ANKRD27: variants seen among roughly 807,000 people sequenced by gnomAD.
The protein encoded by ANKRD27 is ankyrin repeat domain-containing protein 27.
ANKRD27 carries 112 observed loss-of-function variants against 129.7 expected under a neutral mutation model. That is an observed-to-expected ratio of 0.86 (90% CI 0.74 to 1.01). The LOEUF is 1.01. Ranked by LOEUF, ANKRD27 falls within the 50% of genes least tolerant of loss-of-function variation. The probability of loss-of-function intolerance (pLI) is 0.00; values close to 1 mark genes in which losing one functional copy is unlikely to be tolerated. For synonymous variants in ANKRD27, 516 were observed against 511.2 expected (o/e 1.01, Z -0.13); for missense variants, 1,258 against 1,300.5 (o/e 0.97, Z 0.50).
At chr19:32,610,684 C>T (rs1035838185) in intron 22 of ANKRD27, among the ~76,000 whole-genome samples, 14 of 151,074 alleles carry the variant, frequency 9.3e-5, no homozygotes, top group African/African-American at 3.2e-4. Flanking sequence ...CCCAGCTACT[C>T]GGGAGGCTGA....
intron 22 of ANKRD27, among the ~76,000 whole-genome samples, chr19:32,610,484 A>T (rs1371027796): frequency 1.1e-3 from 8 of 7,492 alleles, no homozygotes; most frequent in Non-Finnish European, 2.0e-3. Context: ...GACCGTCTCT[A>T]AAAAAAAAAA....
At chr19:32,657,385 C>A (rs1967559046) in intron 2 of ANKRD27, among the ~76,000 whole-genome samples, 3 of 151,946 alleles carry the variant, frequency 2.0e-5, no homozygotes, top group Admixed American at 2.0e-4. Flanking sequence ...TCGCTTGAAC[C>A]CCGGAGGTGG....
rs540224434 is a variant in ANKRD27 at position 32,671,181 on chromosome 19, G to T, written c.-31+3890C>A. ...GGTATGGTGGCACACACCCAGCCAG[G>T]GGAGGCTGAGGCCAGAGGATCACTT... On this transcript the variant is annotated intron_variant, in intron 1 of 28. Transcript: ENST00000306065. Among the ~76,000 whole-genome samples, 11 of 152,066 alleles carry T rather than the reference G, an allele frequency of 7.2e-5. No individual in the cohort carries two copies. The South Asian group carries it at 2.1e-3, about 29-fold the overall frequency.
chr19:32,657,122 G>T (rs1967552289), intron 2 of ANKRD27, among the ~76,000 whole-genome samples: 1 of 152,048 alleles, frequency 6.6e-6, no homozygotes, highest in Non-Finnish European at 1.5e-5. Flanking sequence ...GAGGCCAGGA[G>T]TTCAAGACCA....
chr19:32,656,088 AAAGAAAGAAAGAAAG>A, intron 2 of ANKRD27, among the ~76,000 whole-genome samples: 1 of 119,714 alleles, frequency 8.4e-6, no homozygotes, highest in African/African-American at 4.2e-5. Flanking sequence ...AGAAAGAAAG[AAAGAAAGAAAGAAAG>A]AAAGAAAAGA....
intron 12 of ANKRD27, among the ~76,000 whole-genome samples, chr19:32,632,014 C>T (rs912375137): frequency 8.5e-5 from 13 of 152,232 alleles, no homozygotes; most frequent in African/African-American, 2.2e-4. Context: ...CATGGCCAGG[C>T]GCAGTGGCTC....
At chr19:32,601,191 C>G (rs1971647519) in intron 26 of ANKRD27, among the ~76,000 whole-genome samples, 1 of 151,946 alleles carries the variant, frequency 6.6e-6, no homozygotes, top group African/African-American at 2.4e-5. Context: ...CCTAGCTACT[C>G]GGGAGGCTGA....
intron 12 of ANKRD27, among the ~76,000 whole-genome samples, chr19:32,635,598 C>A (rs1218028127): frequency 2.0e-5 from 3 of 152,090 alleles, no homozygotes; most frequent in Non-Finnish European, 4.4e-5. Flanking sequence ...AGCCACTGCA[C>A]CCAGCCCACA....
chr19:32,607,974 A>G, intron 22 of ANKRD27, 142 bp from the exon 23 acceptor site: 1 of 865,698 alleles, frequency 1.2e-6, no homozygotes, highest in East Asian at 2.7e-5. Flanking sequence ...CAATTTGTTT[A>G]GAAGTATGTG....
chr19:32,661,835 TG>T (rs1217704304), intron 1 of ANKRD27, among the ~76,000 whole-genome samples: 1 of 152,142 alleles, frequency 6.6e-6, no homozygotes, highest in Admixed American at 6.5e-5. Flanking sequence ...TGAATTTGGT[TG>T]AAAAAAACAC....
chr19:32,670,521 A>G (rs2145330739), intron 1 of ANKRD27, among the ~76,000 whole-genome samples: 1 of 151,640 alleles, frequency 6.6e-6, no homozygotes, highest in East Asian at 1.9e-4. Context: ...TAAAAATACA[A>G]AAATTAGCCG....
In ANKRD27 at chr19:32,615,791, A is replaced by C. The variant is rs752142656; in HGVS notation, c.2053-11T>G. Reference sequence around the variant, plus strand: ...CAACAGGTAACGCACCTGGTGATGGAGAGTAACGGAAACAGGAACACATCC... The same window carrying C: ...CAACAGGTAACGCACCTGGTGATGGCGAGTAACGGAAACAGGAACACATCC... On this transcript the variant is annotated splice_polypyrimidine_tract_variant and intron_variant, in intron 21 of 28. Transcript: ENST00000306065. 13 of 1,609,536 alleles carry C rather than the reference A, an allele frequency of 8.1e-6. No individual in the cohort carries two copies. In the Admixed American group the frequency reaches 2.2e-4, roughly 27 times the overall value.
chr19:32,637,758 G>A (rs1967119754), intron 12 of ANKRD27: 1 of 152,372 alleles, frequency 6.6e-6, no homozygotes, highest in Admixed American at 6.5e-5. Flanking sequence ...TGCCGCCGCA[G>A]GCTCGTAAGT....
chr19:32,653,304 T>G (rs1050071993), intron 2 of ANKRD27, among the ~76,000 whole-genome samples: 1 of 152,192 alleles, frequency 6.6e-6, no homozygotes, highest in Non-Finnish European at 1.5e-5. Flanking sequence ...GCTCCCAGAC[T>G]AGGCCCCCGG....
chr19:32,597,220 TAG>T lies in ANKRD27; in HGVS notation c.*923_*924del, dbSNP rs34329197. Reference sequence around the variant, plus strand: ...GGACAAACCCATATACGTGTAGCTCTAGGCCAATAACATAAAAATAACAGTAT... The same window carrying T: ...GGACAAACCCATATACGTGTAGCTCTGCCAATAACATAAAAATAACAGTAT... On this transcript the variant is annotated 3_prime_UTR_variant, in exon 29 of 29. Transcript: ENST00000306065. 38,617 of 152,434 alleles carry T rather than the reference TAG, an allele frequency of 0.25. 5,564 individuals are homozygous for T. Among genetic ancestry groups the T allele is most frequent in the East Asian group, 0.45 (2,331 of 5,150 alleles). 9.4% of individuals were successfully genotyped at this position (152,434 alleles called of 1,614,324 possible). A position where few individuals can be genotyped will look rare whatever the true frequency, so the allele number is the denominator to read the frequency against.
chr19:32,613,486 C>T (rs921090634), intron 22 of ANKRD27, among the ~76,000 whole-genome samples: 1 of 152,198 alleles, frequency 6.6e-6, no homozygotes, highest in African/African-American at 2.4e-5. Context: ...AACGTCTACT[C>T]TAATGTTTGT....
chr19:32,598,445 G>A, intron 28 of ANKRD27, 67 bp from the exon 29 acceptor site: 1 of 1,473,162 alleles, frequency 6.8e-7, no homozygotes, highest in African/African-American at 1.4e-5. Context: ...CCATGACAGT[G>A]ACAGCTGCCC....
chr19:32,606,939 C>CAAAAAAAAAAAAAAAAAAAAAAA (rs532062312), intron 23 of ANKRD27, among the ~76,000 whole-genome samples: 5 of 65,646 alleles, frequency 7.6e-5, no homozygotes, highest in East Asian at 5.8e-4. Context: ...CCCATCTCCA[C>CAAAAAAAAAAAAAAAAAAAAAAA]AAAAAAAAAA....
chr19:32,624,282 G>A (rs1484514626), intron 17 of ANKRD27, among the ~76,000 whole-genome samples: 1 of 151,618 alleles, frequency 6.6e-6, no homozygotes, highest in Non-Finnish European at 1.5e-5. Context: ...CAGGAGAATC[G>A]CTTGAACCCG....
Sources: gnomAD v4.1 joint callset for allele counts (sites outside exome capture counted in the v4.1 genomes callset) on GRCh38, gnomAD v4.1.1 for gene constraint, MANE v1.5 for transcripts, NCBI Gene and HGNC (gene_info 2026-07-23, HGNC 2026-07-21) for gene names.